Variants in WDR70 observed in about 807,000 individuals in gnomAD.
WDR70 encodes WD repeat domain 70, also known as WD repeat-containing protein 70.
In WDR70, 53 loss-of-function variants were observed where a neutral mutation model predicts 88.6. The ratio of observed to expected loss-of-function variants is 0.60; its 90% confidence interval spans 0.48 to 0.75. The LOEUF is 0.75. Among genes scored for constraint, WDR70 ranks in the 30% least tolerant of loss-of-function variants. The pLI is 0.00. For missense variants in WDR70, 610 were observed against 823.2 expected, an observed-to-expected ratio of 0.74 and a Z score of 3.17; for synonymous variants, 280 against 270.0, an observed-to-expected ratio of 1.04 and a Z score of -0.36.
intron 3 of WDR70, among the ~76,000 whole-genome samples, chr5:37,390,659 T>G (rs1748786980): frequency 6.6e-6 from 1 of 151,608 alleles, no homozygotes; most frequent in Admixed American, 6.6e-5. Flanking sequence ...TTTATTATGA[T>G]TTTGATAGCT....
chr5:37,650,977 T>A (rs1423615261), intron 10 of WDR70, among the ~76,000 whole-genome samples: 1 of 151,758 alleles, frequency 6.6e-6, no homozygotes, highest in East Asian at 1.9e-4. Flanking sequence ...TTTTTTTTTT[T>A]TATACTTTAA....
chr5:37,623,073 G>A (rs991302358), intron 10 of WDR70, among the ~76,000 whole-genome samples: 1 of 152,094 alleles, frequency 6.6e-6, no homozygotes, highest in Admixed American at 6.6e-5. Flanking sequence ...ATAGGCAAAA[G>A]TTATGGCGGT....
chr5:37,424,977 C>T (rs1472732288), intron 5 of WDR70, among the ~76,000 whole-genome samples: 1 of 152,198 alleles, frequency 6.6e-6, no homozygotes, highest in East Asian at 1.9e-4. Flanking sequence ...GGTGCGGTGG[C>T]TCACGCCTGT....
intron 10 of WDR70, among the ~76,000 whole-genome samples, chr5:37,657,334 G>T (rs1429018112): frequency 6.6e-6 from 1 of 152,130 alleles, no homozygotes; most frequent in Non-Finnish European, 1.5e-5. Flanking sequence ...TGTCTAACCA[G>T]TCCCAATGAG....
chr5:37,511,222 G>T (rs1438606900), intron 8 of WDR70, among the ~76,000 whole-genome samples: 1 of 151,996 alleles, frequency 6.6e-6, no homozygotes, highest in Non-Finnish European at 1.5e-5. Flanking sequence ...TTTATTTTAT[G>T]TTTATCAGTA....
At chr5:37,689,779 T>C (rs1746727502) in intron 10 of WDR70, among the ~76,000 whole-genome samples, 1 of 151,944 alleles carries the variant, frequency 6.6e-6, no homozygotes, top group Non-Finnish European at 1.5e-5. Flanking sequence ...AAGCTGAAAA[T>C]TCTAAAAACC....
chr5:37,639,885 T>C (rs1167007054), intron 10 of WDR70, among the ~76,000 whole-genome samples: 1 of 152,202 alleles, frequency 6.6e-6, no homozygotes, highest in Admixed American at 6.5e-5. Flanking sequence ...CAGAAGTGGT[T>C]TGAGCACTTT....
At chr5:37,432,364 G>T (rs1472327058) in intron 5 of WDR70, among the ~76,000 whole-genome samples, 1 of 152,124 alleles carries the variant, frequency 6.6e-6, no homozygotes, top group East Asian at 1.9e-4. Context: ...CTTCTTTGGA[G>T]AAATGCCTGT....
chr5:37,560,300 C>T (rs1305064241), intron 9 of WDR70, among the ~76,000 whole-genome samples: 2 of 148,422 alleles, frequency 1.3e-5, no homozygotes, highest in African/African-American at 2.5e-5. Context: ...TTTGCACTTT[C>T]AATGAATTGT....
intron 10 of WDR70, among the ~76,000 whole-genome samples, chr5:37,677,185 G>T (rs1430095027): frequency 1.3e-5 from 2 of 151,966 alleles, no homozygotes; most frequent in Admixed American, 6.6e-5. Context: ...CAAAAAATCA[G>T]CTCCTGGATT....
chr5:37,506,363 T>TA, intron 8 of WDR70: 1 of 821,748 alleles, frequency 1.2e-6, no homozygotes, highest in Non-Finnish European at 2.2e-6. Flanking sequence ...ACACACCCAA[T>TA]AAATTAATGC....
At chr5:37,578,122 A>G (rs1311612830) in intron 9 of WDR70, among the ~76,000 whole-genome samples, 2 of 152,222 alleles carry the variant, frequency 1.3e-5, no homozygotes, top group Non-Finnish European at 2.9e-5. Context: ...CTCTCAGAAT[A>G]TAGTTTCAGT....
chr5:37,706,733 A>G (rs1026661414), intron 13 of WDR70, among the ~76,000 whole-genome samples: 1 of 122,410 alleles, frequency 8.2e-6, no homozygotes, highest in African/African-American at 2.5e-5. Flanking sequence ...ACACACACAC[A>G]CACACGCACA....
At chr5:37,737,255 G>A (rs548526035) in intron 17 of WDR70, among the ~76,000 whole-genome samples, 8 of 152,168 alleles carry the variant, frequency 5.3e-5, no homozygotes, top group East Asian at 1.9e-4. Context: ...CCATTTTACC[G>A]ATAAGGAGAT....
chr5:37,642,102 A>G (rs925373363), intron 10 of WDR70, among the ~76,000 whole-genome samples: 2 of 152,170 alleles, frequency 1.3e-5, no homozygotes, highest in Non-Finnish European at 2.9e-5. Context: ...AACTTCCTAC[A>G]CTTACGCAAG....
At chr5:37,634,609 C>T (rs1162593577) in intron 10 of WDR70, among the ~76,000 whole-genome samples, 1 of 152,080 alleles carries the variant, frequency 6.6e-6, no homozygotes, top group East Asian at 1.9e-4. Flanking sequence ...GGCAGGAGGT[C>T]AGTTCAGAGA....
intron 9 of WDR70, among the ~76,000 whole-genome samples, chr5:37,595,787 C>G (rs1037203275): frequency 1.3e-5 from 2 of 152,000 alleles, no homozygotes; most frequent in Non-Finnish European, 2.9e-5. Flanking sequence ...CTGTGTATGC[C>G]TAGGGCCTTT....
intron 10 of WDR70, among the ~76,000 whole-genome samples, chr5:37,648,288 A>G (rs1162259698): frequency 6.6e-6 from 1 of 152,032 alleles, no homozygotes; most frequent in Admixed American, 6.5e-5. Flanking sequence ...AGAGATTTTT[A>G]CCTGTTTTGG....
intron 17 of WDR70, among the ~76,000 whole-genome samples, chr5:37,749,855 T>C (rs1002235742): frequency 2.0e-4 from 30 of 150,574 alleles, no homozygotes; most frequent in African/African-American, 7.3e-4. Flanking sequence ...AAACGCAGTA[T>C]CTCCTTTGAA....
Sources: allele counts gnomAD v4.1 joint callset (sites outside exome capture counted in the v4.1 genomes callset), GRCh38; gene constraint gnomAD v4.1.1; transcripts MANE v1.5; gene names NCBI Gene and HGNC (gene_info 2026-07-23, HGNC 2026-07-21).